Variants in XPNPEP3 observed in about 807,000 individuals in gnomAD.
XPNPEP3 encodes the protein xaa-Pro aminopeptidase 3.
XPNPEP3 carries 41 observed loss-of-function variants against 60.0 expected under a neutral mutation model. The ratio of observed to expected loss-of-function variants is 0.68; its 90% confidence interval spans 0.53 to 0.89. XPNPEP3 has a LOEUF of 0.89. Ranked by LOEUF, XPNPEP3 falls within the 40% of genes least tolerant of loss-of-function variation. The pLI, the probability that XPNPEP3 is intolerant of heterozygous loss-of-function variation, is 0.00. For synonymous variants in XPNPEP3, 212 were observed against 223.2 expected (o/e 0.95, Z 0.45); for missense variants, 598 against 638.9 (o/e 0.94, Z 0.69).
intron 4 of XPNPEP3, among the ~76,000 whole-genome samples, chr22:40,899,387 T>C (rs547203575): frequency 6.6e-6 from 1 of 152,246 alleles, no homozygotes; most frequent in South Asian, 2.1e-4. Flanking sequence ...TCCCTCCCAA[T>C]CCATTTTGCT....
At position 40,914,232 on chromosome 22, in the gene XPNPEP3, GTTCCAGGATGGGGAAATGGTGC is replaced by G. The variant is rs1438608366; in HGVS notation, c.970-3_988del. On this transcript the variant is annotated splice_acceptor_variant and splice_polypyrimidine_tract_variant and coding_sequence_variant and intron_variant, in exon 7 of 10. Transcript: ENST00000357137. LOFTEE classifies it high-confidence loss of function. ...TATCCACTTTAACCTGTCTTACTTT[GTTCCAGGATGGGGAAATGGTGC>G]TTCTGGATGGAGGTTGTGAGTCTTC... is the stretch of plus-strand genomic sequence containing the variant. The G allele has an allele frequency of 1.2e-6, 2 of 1,611,850 alleles. No homozygotes were observed. Among genetic ancestry groups the G allele is most frequent in the African/African-American group, 2.7e-5 (2 of 74,748 alleles).
chr22:40,873,069 A>G (rs1354072281), intron 2 of XPNPEP3, among the ~76,000 whole-genome samples: 1 of 139,036 alleles, frequency 7.2e-6, no homozygotes, highest in Non-Finnish European at 1.6e-5. Flanking sequence ...GAACCACTTC[A>G]TGGTTGTTTT....
At chr22:40,910,655 G>T (rs1212324112) in intron 6 of XPNPEP3, among the ~76,000 whole-genome samples, 1 of 151,986 alleles carries the variant, frequency 6.6e-6, no homozygotes, top group Non-Finnish European at 1.5e-5. Context: ...GCAGTGAGCT[G>T]TGATCACACC....
intron 7 of XPNPEP3, among the ~76,000 whole-genome samples, chr22:40,921,475 G>T (rs1601521609): frequency 7.0e-6 from 1 of 142,062 alleles, no homozygotes; most frequent in African/African-American, 2.6e-5. Context: ...AACATAGTGA[G>T]ACCTTGTCTC....
intron 1 of XPNPEP3, chr22:40,860,759 C>CT (rs1338286322): frequency 1.3e-6 from 1 of 741,132 alleles, no homozygotes; most frequent in Non-Finnish European, 2.1e-6. Context: ...CTCAAGCAGT[C>CT]TTTCTACCAG....
At chr22:40,857,818 C>A (rs530965616) in intron 1 of XPNPEP3, among the ~76,000 whole-genome samples, 276 of 152,322 alleles carry the variant, frequency 1.8e-3, no homozygotes, top group African/African-American at 6.4e-3. Context: ...AAAACTGAAT[C>A]ACCTTCCTTG....
At chr22:40,906,298 G>A (rs575411261) in intron 4 of XPNPEP3, among the ~76,000 whole-genome samples, 23 of 152,036 alleles carry the variant, frequency 1.5e-4, no homozygotes, top group African/African-American at 5.5e-4. Context: ...GCATGCATCT[G>A]TAGTCCCAGC....
chr22:40,861,063 A>G (rs1601485088), intron 1 of XPNPEP3: 4 of 1,574,556 alleles, frequency 2.5e-6, no homozygotes, highest in Non-Finnish European at 3.4e-6. Flanking sequence ...TGAAGAGTCA[A>G]TTTAACAATT....
Position 40,930,121 on chromosome 22 carries a change from T to TG in XPNPEP3, c.*3690dup, listed in dbSNP as rs199786983. The TG allele has an allele frequency of 1.7e-4, 25 of 149,210 alleles. No homozygotes were observed. In the Admixed American group the frequency reaches 1.7e-3, roughly 10 times the overall value. The allele number at this position is 149,210 out of a possible 1,614,324, so 9.2% of individuals were successfully genotyped here. On this transcript the variant is annotated 3_prime_UTR_variant, in exon 10 of 10. Coordinates refer to ENST00000357137, the MANE Select transcript of XPNPEP3 (RefSeq NM_022098.4). ...TTTTTTTTTTTTTAAAGGTTTTTTG[T>TG]GGGGTTTTTTTGTTTTTTTTTTTTT...
chr22:40,860,865 A>G (rs2057939734), intron 1 of XPNPEP3: 1 of 668,484 alleles, frequency 1.5e-6, no homozygotes, highest in African/African-American at 1.8e-5. Context: ...TGCCCAGGCA[A>G]ATTCTTATTA....
intron 7 of XPNPEP3, 66 bp from the exon 8 acceptor site, chr22:40,922,267 T>A: frequency 6.3e-7 from 1 of 1,596,458 alleles, no homozygotes; most frequent in East Asian, 2.2e-5. Flanking sequence ...CTAATCAAAC[T>A]TAGTAGCAAA....
intron 8 of XPNPEP3, among the ~76,000 whole-genome samples, chr22:40,922,931 A>G (rs1684814906): frequency 6.6e-6 from 1 of 152,230 alleles, no homozygotes; most frequent in African/African-American, 2.4e-5. Context: ...GATTCATTAC[A>G]TGCTGCATAA....
intron 2 of XPNPEP3, 49 bp downstream of exon 2, chr22:40,869,164 C>T (rs368354587): frequency 2.7e-6 from 4 of 1,460,932 alleles, no homozygotes; most frequent in African/African-American, 1.4e-5. Flanking sequence ...CTGTCTAGAG[C>T]AATGCTATGC....
chr22:40,881,074 C>T (rs982962300), intron 2 of XPNPEP3, among the ~76,000 whole-genome samples: 4 of 151,974 alleles, frequency 2.6e-5, no homozygotes, highest in Non-Finnish European at 1.5e-5. Flanking sequence ...GAGATGGAGT[C>T]TTGCTTTGTC....
chr22:40,922,585 C>G lies in XPNPEP3; in HGVS notation c.1236+72C>G, dbSNP rs921286516. ...TGCTAGGTTTTTACCCTATATAAAG[C>G]TAATTAGACTTAGAAATGGGACAGA... On this transcript the variant is annotated intron_variant, in intron 8 of 9. Coordinates refer to ENST00000357137, the MANE Select transcript of XPNPEP3 (RefSeq NM_022098.4). 5.2e-5 allele frequency: 80 copies of G among 1,530,800 alleles called. No individual in the cohort carries two copies. The highest frequency in any genetic ancestry group is 6.6e-5 in the Non-Finnish European group (73 of 1,114,438). The allele number at this position is 1,530,800 out of a possible 1,614,324, so 94.8% of individuals were successfully genotyped here. A position where few individuals can be genotyped will look rare whatever the true frequency, so the allele number is the denominator to read the frequency against.
chr22:40,902,416 A>G (rs2058137959), intron 4 of XPNPEP3, among the ~76,000 whole-genome samples: 1 of 151,760 alleles, frequency 6.6e-6, no homozygotes, highest in African/African-American at 2.4e-5. Flanking sequence ...CGCCCAGCTA[A>G]TTTTTTTGTA....
rs1202002734 is a variant in XPNPEP3, at chr22:40,910,397, A to AT, written c.969+1170dup. Among the ~76,000 whole-genome samples, 22 of 151,924 alleles carry AT rather than the reference A, an allele frequency of 1.4e-4. 2 individuals carry two copies. The South Asian group carries it at 4.4e-3, about 30-fold the overall frequency. ...TATGCTCTGTATGTAGTTTGGAGGG[A>AT]TTTTTTTTAACTCCTAAATATCATA... On this transcript the variant is annotated intron_variant, in intron 6 of 9. Transcript: ENST00000357137.
In XPNPEP3 at chr22:40,886,370, C is replaced by G; in HGVS notation, c.647C>G (p.Ser216Cys). 1.7e-5 allele frequency: 28 copies of G among 1,614,168 alleles called. No individual in the cohort carries two copies. Among genetic ancestry groups the G allele is most frequent in the Non-Finnish European group, 2.3e-5 (27 of 1,180,032 alleles). The change falls in exon 4 of 10, where the codon TCT (serine) becomes TGT (cysteine). Residue 216 changes from serine (S) to cysteine (C), a missense_variant. Physicochemically the swap from Ser to Cys is moderately radical, Grantham distance 112. Transcript: ENST00000357137. ...AGGCCCTCACATGCACAGCTTCACT[C>G]TGACTATATGCAGCCCCTGACTGAG... ...WMRPSHAQLHSDYMQPLTEAK... is the reference protein window; with the variant it reads ...WMRPSHAQLHCDYMQPLTEAK...
intron 4 of XPNPEP3, among the ~76,000 whole-genome samples, chr22:40,902,071 C>CTTTT (rs748080226): frequency 8.9e-4 from 113 of 127,604 alleles, no homozygotes; most frequent in Middle Eastern, 3.9e-3. Context: ...ACTTTTCCTT[C>CTTTT]TTTTTTTTTT....
Sources: gnomAD v4.1 joint callset for allele counts (sites outside exome capture counted in the v4.1 genomes callset) on GRCh38, gnomAD v4.1.1 for gene constraint, MANE v1.5 for transcripts, NCBI Gene and HGNC (gene_info 2026-07-23, HGNC 2026-07-21) for gene names.